The following MDGA2 variants were observed in gnomAD, a reference collection of about 807,000 sequenced individuals.
The protein encoded by MDGA2 is MAM domain-containing glycosylphosphatidylinositol anchor protein 2.
Under a neutral mutation model 117.8 loss-of-function variants are expected in MDGA2, and 40 were observed. The observed-to-expected ratio is 0.34, with a 90% confidence interval of 0.26 to 0.44. The LOEUF (loss-of-function observed/expected upper bound fraction) is 0.44, where lower values mean the gene tolerates loss of function less well. Ranked by LOEUF, MDGA2 falls within the 20% of genes least tolerant of loss-of-function variation. The pLI is 1.00. For synonymous variants in MDGA2, 452 were observed against 439.0 expected (o/e 1.03, Z -0.37); for missense variants, 1,123 against 1,250.6 (o/e 0.90, Z 1.54).
chr14:46,861,076 T>TTA (rs1233178926), intron 14 of MDGA2, among the ~76,000 whole-genome samples: 1 of 151,930 alleles, frequency 6.6e-6, no homozygotes, highest in African/African-American at 2.4e-5. Flanking sequence ...GAGGCTTCTC[T>TTA]TATACCCTTT....
At chr14:47,588,835 A>G (rs1896382121) in intron 1 of MDGA2, among the ~76,000 whole-genome samples, 1 of 151,904 alleles carries the variant, frequency 6.6e-6, no homozygotes, top group African/African-American at 2.4e-5. Flanking sequence ...TTACAGTTCT[A>G]GGCAAAATGG....
chr14:47,398,976 T>C (rs951136381), intron 1 of MDGA2, among the ~76,000 whole-genome samples: 7 of 152,180 alleles, frequency 4.6e-5, no homozygotes, highest in African/African-American at 1.7e-4. Flanking sequence ...ATAAGTAACT[T>C]TACTTGATTT....
chr14:46,956,966 C>T (rs1011696155), intron 9 of MDGA2, among the ~76,000 whole-genome samples: 2 of 152,140 alleles, frequency 1.3e-5, no homozygotes, highest in South Asian at 4.1e-4. Flanking sequence ...GTCCTTGCTT[C>T]CCCTTTGCCT....
intron 1 of MDGA2, among the ~76,000 whole-genome samples, chr14:47,393,093 AAAT>A (rs10601470): frequency 0.6 from 88,830 of 147,230 alleles, 27,038 homozygotes; most frequent in Middle Eastern, 0.73. Flanking sequence ...CAGATAATTA[AAAT>A]AATAATAATA....
chr14:47,542,824 A>G (rs1895379807), intron 1 of MDGA2, among the ~76,000 whole-genome samples: 1 of 152,248 alleles, frequency 6.6e-6, no homozygotes, highest in Non-Finnish European at 1.5e-5. Flanking sequence ...ATTAACAAGC[A>G]ATAATTGCTT....
intron 6 of MDGA2, among the ~76,000 whole-genome samples, chr14:47,087,903 C>T (rs1453434071): frequency 1.3e-5 from 2 of 151,568 alleles, no homozygotes; most frequent in African/African-American, 4.8e-5. Flanking sequence ...GGACACTAAC[C>T]AGTGCCGACT....
intron 9 of MDGA2, 121 bp downstream of exon 9, chr14:46,957,253 G>A (rs1043591647): frequency 4.4e-6 from 4 of 913,188 alleles, no homozygotes; most frequent in Admixed American, 5.8e-5. Context: ...CTAACTTGAG[G>A]AGTCAAGCTG....
chr14:46,993,118 A>G (rs1887155788), intron 8 of MDGA2, among the ~76,000 whole-genome samples: 1 of 152,146 alleles, frequency 6.6e-6, no homozygotes, highest in African/African-American at 2.4e-5. Flanking sequence ...TGATGAAAAA[A>G]TGTTAACAGA....
chr14:47,194,264 T>C (rs1265734227), intron 3 of MDGA2, among the ~76,000 whole-genome samples: 4 of 152,172 alleles, frequency 2.6e-5, no homozygotes, highest in Non-Finnish European at 5.9e-5. Context: ...TCCAGAAGAA[T>C]GTGAGTCATT....
At chr14:47,635,371 G>C (rs964206143) in intron 1 of MDGA2, among the ~76,000 whole-genome samples, 12 of 152,132 alleles carry the variant, frequency 7.9e-5, no homozygotes, top group South Asian at 2.1e-4. Context: ...CAACAGAATT[G>C]AATATGATAT....
intron 2 of MDGA2, among the ~76,000 whole-genome samples, chr14:47,274,617 T>C (rs1888253479): frequency 6.6e-6 from 1 of 152,144 alleles, no homozygotes; most frequent in Admixed American, 6.6e-5. Context: ...CTGGGTCATA[T>C]TGTAACTATG....
intron 10 of MDGA2, among the ~76,000 whole-genome samples, chr14:46,907,495 C>T (rs1309960461): frequency 6.6e-6 from 1 of 152,172 alleles, no homozygotes; most frequent in African/African-American, 2.4e-5. Context: ...TAATATACCA[C>T]TGTAAATTTT....
At chr14:47,293,469 G>T (rs898444261) in intron 2 of MDGA2, among the ~76,000 whole-genome samples, 15 of 152,162 alleles carry the variant, frequency 9.9e-5, no homozygotes, top group African/African-American at 3.6e-4. Flanking sequence ...CAGGCATAGA[G>T]AAGAGACAAA....
intron 14 of MDGA2, among the ~76,000 whole-genome samples, chr14:46,866,431 TA>T (rs1488685498): frequency 6.6e-6 from 1 of 151,982 alleles, no homozygotes; most frequent in Non-Finnish European, 1.5e-5. Flanking sequence ...CCTAAAACCA[TA>T]AAAACCCTAG....
At chr14:47,628,759 T>G (rs79052085) in intron 1 of MDGA2, among the ~76,000 whole-genome samples, 12,759 of 152,102 alleles carry the variant, frequency 0.084, 1,418 homozygotes, top group African/African-American at 0.24. Flanking sequence ...GAATGAAGAT[T>G]TTTTTCCCCC....
At chr14:47,208,458 C>T (rs1885764535) in intron 3 of MDGA2, among the ~76,000 whole-genome samples, 1 of 151,856 alleles carries the variant, frequency 6.6e-6, no homozygotes, top group Non-Finnish European at 1.5e-5. Flanking sequence ...CATTAAACAT[C>T]CTCCCTTTTT....
chr14:47,043,087 A>G (rs1889134632), intron 7 of MDGA2, among the ~76,000 whole-genome samples: 1 of 152,084 alleles, frequency 6.6e-6, no homozygotes, highest in African/African-American at 2.4e-5. Flanking sequence ...TTAAACTAAT[A>G]TGCTTGACCC....
chr14:47,143,763 A>G (rs775637581), intron 4 of MDGA2, among the ~76,000 whole-genome samples: 1 of 152,180 alleles, frequency 6.6e-6, no homozygotes, highest in Non-Finnish European at 1.5e-5. Flanking sequence ...ACTTTCCACA[A>G]AACCCAAATC....
intron 3 of MDGA2, among the ~76,000 whole-genome samples, chr14:47,189,284 A>T (rs996518058): frequency 6.6e-6 from 1 of 152,112 alleles, no homozygotes; most frequent in South Asian, 2.1e-4. Flanking sequence ...GAACAATTTT[A>T]TCGGTGCTGC....
Sources: gnomAD v4.1 joint callset for allele counts (sites outside exome capture counted in the v4.1 genomes callset) on GRCh38, gnomAD v4.1.1 for gene constraint, MANE v1.5 for transcripts, NCBI Gene and HGNC (gene_info 2026-07-23, HGNC 2026-07-21) for gene names.